Variants in HSD3B2 observed in about 807,000 individuals in gnomAD.
HSD3B2 encodes the protein hydroxy-delta-5-steroid dehydrogenase, 3 beta- and steroid delta-isomerase 2.
HSD3B2 carries 8 observed loss-of-function variants against 9.9 expected under a neutral mutation model. The observed-to-expected ratio is 0.81, with a 90% CI of 0.47 to 1.46. The LOEUF is 1.46. Ranked by LOEUF, HSD3B2 falls within the 40% of genes most tolerant of loss-of-function variation. The probability of loss-of-function intolerance (pLI) is 0.00; values close to 1 mark genes in which losing one functional copy is unlikely to be tolerated. For synonymous variants in HSD3B2, 221 were observed against 184.5 expected (o/e 1.20, Z -1.60); for missense variants, 410 against 448.3 (o/e 0.91, Z 0.77).
At chr1:119,417,152 C>T (rs185655045) in intron 2 of HSD3B2, among the ~76,000 whole-genome samples, 14 of 152,284 alleles carry the variant, frequency 9.2e-5, no homozygotes, top group Admixed American at 2.0e-4. Context: ...AGTTAGATTA[C>T]GGCAAAGCTG....
intron 2 of HSD3B2, among the ~76,000 whole-genome samples, chr1:119,416,223 G>A (rs587711115): frequency 1.3e-5 from 2 of 152,164 alleles, no homozygotes; most frequent in South Asian, 4.2e-4. Context: ...GAGAAAGAGA[G>A]CATGCACAAG....
intron 3 of HSD3B2, among the ~76,000 whole-genome samples, chr1:119,421,405 A>G (rs184865541): frequency 0.024 from 1,409 of 59,460 alleles, 36 homozygotes; most frequent in African/African-American, 0.066. Flanking sequence ...ATATATATGT[A>G]TATATATATA....
chr1:119,422,525 C>A lies in HSD3B2; in HGVS notation c.1024C>A (p.Leu342Ile), dbSNP rs1651919668. 1.2e-6 allele frequency: 2 copies of A among 1,614,002 alleles called. No individual in the cohort carries two copies. Among genetic ancestry groups the A allele is most frequent in the South Asian group, 2.2e-5 (2 of 91,090 alleles). Residue 342 changes from leucine (L) to isoleucine (I), a missense_variant, in exon 4 of 4, where the codon CTC becomes ATC. Leu to Ile is a conservative substitution (Grantham distance 5). Transcript: ENST00000369416. ...TCAGCGAGATCTGGCGTATAAGCCA[C>A]TCTACAGCTGGGAGGAAGCCAAGCA... Reference protein sequence around the residue: ...KAQRDLAYKPLYSWEEAKQKT... With the variant: ...KAQRDLAYKPIYSWEEAKQKT...
intron 3 of HSD3B2, 86 bp from the exon 4 acceptor site, chr1:119,421,723 G>C: frequency 1.4e-6 from 2 of 1,434,104 alleles, no homozygotes; most frequent in Non-Finnish European, 2.0e-6. Context: ...ACTTGGGAGT[G>C]GGGAGTGGGG....
At chr1:119,415,128 C>T, upstream of HSD3B2, 1 of 417,514 alleles carries the variant, frequency 2.4e-6, no homozygotes, top group Non-Finnish European at 4.5e-6. Context: ...GAGCATAAAG[C>T]TCCAGTCCTT....
intron 3 of HSD3B2, 132 bp downstream of exon 3, chr1:119,419,714 C>T: frequency 1.1e-6 from 1 of 874,966 alleles, no homozygotes; most frequent in Non-Finnish European, 1.8e-6. Context: ...CTGATCACTA[C>T]TGACTGGGGA....
intron 3 of HSD3B2, chr1:119,420,014 T>C: frequency 3.8e-6 from 1 of 264,910 alleles, no homozygotes; most frequent in Non-Finnish European, 7.3e-6. Context: ...GTGTGTAGGC[T>C]GATGAGAACA....
At chr1:119,420,582 G>T (rs747079589) in intron 3 of HSD3B2, among the ~76,000 whole-genome samples, 1 of 152,132 alleles carries the variant, frequency 6.6e-6, no homozygotes, top group African/African-American at 2.4e-5. Flanking sequence ...TGTTAGAGGC[G>T]TCTGTTTCTT....
At position 119,422,822 on chromosome 1, in the gene HSD3B2, A is replaced by G. The variant is rs9282704; in HGVS notation, c.*202A>G. The stretch of plus-strand genomic sequence containing the variant: ...CCAACCAGAACTTTCTGTCCTAATC[A>G]TACACCAGAAGACAAACAATATGAT... On this transcript the variant is annotated 3_prime_UTR_variant, in exon 4 of 4. Coordinates refer to ENST00000369416, the MANE Select transcript of HSD3B2 (RefSeq NM_000198.4). 6,282 of 642,694 alleles carry G rather than the reference A, an allele frequency of 9.8e-3. 110 individuals are homozygous for G. The highest frequency in any genetic ancestry group is 0.06 in the African/African-American group (3,320 of 54,988). The allele number at this position is 642,694 out of a possible 1,614,324, so 39.8% of individuals were successfully genotyped here.
intron 2 of HSD3B2, among the ~76,000 whole-genome samples, chr1:119,418,629 ACT>A: frequency 1.2e-5 from 1 of 84,126 alleles, no homozygotes; most frequent in Non-Finnish European, 2.3e-5. Context: ...TATTATTATT[ACT>A]ATTATTATTA....
chr1:119,418,349 G>A (rs1199266063), intron 2 of HSD3B2, among the ~76,000 whole-genome samples: 3 of 152,166 alleles, frequency 2.0e-5, no homozygotes, highest in Non-Finnish European at 2.9e-5. Flanking sequence ...GAAACTGTAA[G>A]GGTGATTTTG....
rs1463341363 is a variant in HSD3B2 at position 119,419,557 on chromosome 1, G to T, written c.282G>T (p.Glu94Asp). 1 of 1,613,946 alleles carries T rather than the reference G, an allele frequency of 6.2e-7. No individual in the cohort carries two copies. Among genetic ancestry groups the T allele is most frequent in the Non-Finnish European group, 8.5e-7 (1 of 1,179,878 alleles). The part of the protein sequence containing the change: ...IIDVFGVTHR[E>D]SIMNVNVKGT... ...ATGTCTTTGGTGTCACTCACAGAGAGTCCATCATGAATGTCAATGTGAAAG... is the reference window on the plus strand; with the variant it reads ...ATGTCTTTGGTGTCACTCACAGAGATTCCATCATGAATGTCAATGTGAAAG... Residue 94 changes from glutamate (E) to aspartate (D), a missense_variant, in exon 3 of 4, where the codon GAG (glutamate) becomes GAT (aspartate). By Grantham distance (45) the Glu-to-Asp change is conservative. Transcript: ENST00000369416.
chr1:119,415,616 T>G, intron 2 of HSD3B2, 55 bp downstream of exon 2: 1 of 1,591,218 alleles, frequency 6.3e-7, no homozygotes, highest in Non-Finnish European at 8.6e-7. Context: ...TGCATGGGTG[T>G]GGGGAGGTTG....
intron 3 of HSD3B2, 46 bp from the exon 4 acceptor site, chr1:119,421,763 C>A (rs760152320): frequency 6.2e-7 from 1 of 1,608,206 alleles, no homozygotes; most frequent in Non-Finnish European, 8.5e-7. Context: ...GGTTGCAGCT[C>A]CTTTGGGATA....
At chr1:119,419,684 C>G in intron 3 of HSD3B2, 102 bp downstream of exon 3, 1 of 1,192,632 alleles carries the variant, frequency 8.4e-7, no homozygotes, top group Non-Finnish European at 1.2e-6. Flanking sequence ...ACCTGCTGAG[C>G]TCTTGGCCAA....
chr1:119,418,627 TTAC>T (rs112270863), intron 2 of HSD3B2, among the ~76,000 whole-genome samples: 4,346 of 88,124 alleles, frequency 0.049, 122 homozygotes, highest in African/African-American at 0.14. Context: ...TTTATTATTA[TTAC>T]TATTATTATT....
At chr1:119,421,767 T>C in intron 3 of HSD3B2, 42 bp from the exon 4 acceptor site, 1 of 1,610,000 alleles carries the variant, frequency 6.2e-7, no homozygotes, top group Non-Finnish European at 8.5e-7. Flanking sequence ...GCAGCTCCTT[T>C]GGGATATTTC....
In HSD3B2 at chr1:119,419,480, A is replaced by G; in HGVS notation, c.205A>G (p.Lys69Glu). Residue 69 changes from lysine to glutamate, a missense_variant, in exon 3 of 4, where the codon AAA becomes GAA. Lys to Glu is a moderately conservative substitution (Grantham distance 56). Transcript: ENST00000369416. ...EGDILDEPFL[K>E]RACQDVSVVI... ...AGACATTCTGGATGAGCCATTCCTG[A>G]AAAGAGCCTGCCAGGACGTCTCGGT... 6.2e-7 allele frequency: 1 copy of G among 1,613,764 alleles called. No homozygotes were observed. Among genetic ancestry groups the G allele is most frequent in the Non-Finnish European group, 8.5e-7 (1 of 1,179,764 alleles).
At chr1:119,415,612 G>A in intron 2 of HSD3B2, 51 bp downstream of exon 2, 9 of 1,594,616 alleles carry the variant, frequency 5.6e-6, no homozygotes, top group Non-Finnish European at 7.7e-6. Context: ...ACTCTGCATG[G>A]GTGTGGGGAG....
Sources: allele counts gnomAD v4.1 joint callset (sites outside exome capture counted in the v4.1 genomes callset), GRCh38; gene constraint gnomAD v4.1.1; transcripts MANE v1.5; gene names NCBI Gene and HGNC (gene_info 2026-07-23, HGNC 2026-07-21).